Variants in ABCA1 observed in about 807,000 individuals in gnomAD.
The protein encoded by ABCA1 is ATP binding cassette subfamily A member 1.
ABCA1 carries 133 observed loss-of-function variants against 262.5 expected under a neutral mutation model. That is an observed-to-expected ratio of 0.51 (90% CI 0.44 to 0.59). The LOEUF is 0.59. Ranked by LOEUF, ABCA1 falls within the 20% of genes least tolerant of loss-of-function variation. The pLI is 0.00. For missense variants in ABCA1, 2,452 were observed against 2,777.5 expected (o/e 0.88, Z 2.63); for synonymous variants, 1,022 against 1,043.5 (o/e 0.98, Z 0.40).
chr9:104,901,132 G>A (rs1401647229), intron 2 of ABCA1, among the ~76,000 whole-genome samples: 4 of 152,164 alleles, frequency 2.6e-5, no homozygotes, highest in African/African-American at 9.7e-5. Context: ...TCCTTCCCTG[G>A]CTAAGCACGG....
intron 11 of ABCA1, 31 bp downstream of exon 11, chr9:104,836,949 G>A (rs2119022824): frequency 1.3e-6 from 2 of 1,544,054 alleles, no homozygotes; most frequent in East Asian, 2.2e-5. Context: ...GTATCAAGCA[G>A]GCACATGGTA....
intron 2 of ABCA1, among the ~76,000 whole-genome samples, chr9:104,895,148 G>C (rs1210672537): frequency 6.6e-6 from 1 of 152,092 alleles, no homozygotes; most frequent in Non-Finnish European, 1.5e-5. Context: ...TCTTGCTTTG[G>C]TGCCTACCCA....
At chr9:104,844,038 A>C (rs555486834) in intron 8 of ABCA1, among the ~76,000 whole-genome samples, 3,807 of 151,790 alleles carry the variant, frequency 0.025, 136 homozygotes, top group African/African-American at 0.087. Flanking sequence ...AAAAAAAAAA[A>C]AAACCAGGGC....
intron 2 of ABCA1, among the ~76,000 whole-genome samples, chr9:104,890,928 C>G (rs1366075332): frequency 6.6e-6 from 1 of 152,144 alleles, no homozygotes; most frequent in Admixed American, 6.6e-5. Context: ...CTGTTAACAT[C>G]TTTTGTCTTT....
chr9:104,835,945 A>G (rs1456983784), intron 11 of ABCA1, among the ~76,000 whole-genome samples: 1 of 152,186 alleles, frequency 6.6e-6, no homozygotes, highest in African/African-American at 2.4e-5. Context: ...AAAAAGTCCA[A>G]CTAGTAGAAA....
intron 28 of ABCA1, 33 bp from the exon 29 acceptor site, chr9:104,810,957 A>T (rs1831227429): frequency 6.2e-7 from 1 of 1,613,754 alleles, no homozygotes; most frequent in African/African-American, 1.3e-5. Context: ...GCAGGGGGAC[A>T]GCAGGAAACG....
chr9:104,831,934 C>CCT, intron 12 of ABCA1, 107 bp from the exon 13 acceptor site: 1 of 1,040,054 alleles, frequency 9.6e-7, no homozygotes, highest in Non-Finnish European at 1.5e-6. Context: ...GATTGCTCAT[C>CCT]CTCTCTCTCT....
In ABCA1 at chr9:104,784,335, CT is replaced by C; in HGVS notation, c.6765del (p.Val2256Ter). On this transcript the variant is annotated frameshift_variant, in exon 50 of 50. Transcript: ENST00000374736. LOFTEE classifies it high-confidence loss of function. ...ATTCTTCATACATAGCTTTCTTTCA[CT>C]TTCTCATCCTGTAGAAAAGATGTGA... ...AVLTSFLQDE[K>X]VKESYV 1.9e-6 allele frequency: 3 copies of C among 1,614,024 alleles called. No homozygotes were observed. Among genetic ancestry groups the C allele is most frequent in the Non-Finnish European group, 1.7e-6 (2 of 1,179,998 alleles).
Position 104,816,146 on chromosome 9 carries a change from T to C in ABCA1, c.3735A>G (p.Glu1245=). The part of the protein sequence containing the change: ...SSYGISETTL[E]EIFLKVAEES... Reference sequence around the variant, plus strand: ...GACAGTCAGCCACTTAACTTACTTCTTCCAGGGTCGTCTCTGAGATGCCAT... The same window carrying C: ...GACAGTCAGCCACTTAACTTACTTCCTCCAGGGTCGTCTCTGAGATGCCAT... Residue 1245 remains glutamate (E), a synonymous_variant, in exon 25 of 50, where the codon GAA becomes GAG. Coordinates refer to ENST00000374736, the MANE Select transcript of ABCA1 (RefSeq NM_005502.4). 6.2e-7 allele frequency: 1 copy of C among 1,614,170 alleles called. No homozygotes were observed.
At chr9:104,884,789 T>C (rs951375866) in intron 3 of ABCA1, among the ~76,000 whole-genome samples, 2 of 152,196 alleles carry the variant, frequency 1.3e-5, no homozygotes, top group African/African-American at 4.8e-5. Context: ...GGGTTCATGA[T>C]ACCAGCGTTG....
At chr9:104,846,466 T>C (rs923950514) in intron 7 of ABCA1, among the ~76,000 whole-genome samples, 1 of 152,238 alleles carries the variant, frequency 6.6e-6, no homozygotes, top group Non-Finnish European at 1.5e-5. Context: ...TGGGCTATTT[T>C]GACATTTGTC....
chr9:104,920,583 C>T (rs1842090280), intron 1 of ABCA1, among the ~76,000 whole-genome samples: 1 of 152,164 alleles, frequency 6.6e-6, no homozygotes, highest in Non-Finnish European at 1.5e-5. Context: ...ACCATCTCGG[C>T]TCACTGCAAT....
At chr9:104,825,962 T>C (rs2118988392) in intron 16 of ABCA1, 75 bp from the exon 17 acceptor site, 1 of 1,513,492 alleles carries the variant, frequency 6.6e-7, no homozygotes, top group South Asian at 1.2e-5. Context: ...GTGTAAATTA[T>C]ACCTGGAGAA....
At chr9:104,883,615 A>G (rs1838885300) in intron 4 of ABCA1, among the ~76,000 whole-genome samples, 1 of 152,254 alleles carries the variant, frequency 6.6e-6, no homozygotes, top group Non-Finnish European at 1.5e-5. Flanking sequence ...GATTATATTC[A>G]TCTTTATACC....
At chr9:104,901,239 C>G (rs1214106063) in intron 2 of ABCA1, among the ~76,000 whole-genome samples, 3 of 152,194 alleles carry the variant, frequency 2.0e-5, no homozygotes, top group Non-Finnish European at 2.9e-5. Context: ...AGAAAAGTCA[C>G]TGTGATGGGA....
At chr9:104,917,944 T>C (rs1372146565) in intron 1 of ABCA1, among the ~76,000 whole-genome samples, 10 of 152,188 alleles carry the variant, frequency 6.6e-5, no homozygotes, top group Non-Finnish European at 7.3e-5. Flanking sequence ...AAATTACCTT[T>C]CATTTATGAT....
chr9:104,881,485 A>G (rs935020453), intron 5 of ABCA1, among the ~76,000 whole-genome samples: 7 of 152,196 alleles, frequency 4.6e-5, no homozygotes, highest in African/African-American at 9.6e-5. Context: ...AAAAAAAATC[A>G]TAATTCATAT....
intron 7 of ABCA1, among the ~76,000 whole-genome samples, chr9:104,857,943 T>A (rs1468661009): frequency 1.3e-5 from 2 of 152,178 alleles, no homozygotes; most frequent in African/African-American, 4.8e-5. Context: ...CTCACCAGTA[T>A]TTTTTGGTTA....
Position 104,862,654 on chromosome 9 carries a change from C to CCGGGCAGGGCAGGGCCGGGCAGGGCA in ABCA1, c.422-855_422-854insTGCCCTGCCCGGCCCTGCCCTGCCCG. 2.7e-4 allele frequency among the ~76,000 whole-genome samples: 2 copies of CCGGGCAGGGCAGGGCCGGGCAGGGCA among 7,524 alleles called. 1 individual carries two copies. Among genetic ancestry groups the CCGGGCAGGGCAGGGCCGGGCAGGGCA allele is most frequent in the South Asian group, 0.017 (2 of 116 alleles). The allele number at this position is 7,524 out of a possible 152,430, so 4.9% of individuals were successfully genotyped here. ...ACTGCCGGGCCGGGCCGGGCCGGGC[C>CCGGGCAGGGCAGGGCCGGGCAGGGCA]GGGCCGGGCCGGGCCGGGCCGGGCC... On this transcript the variant is annotated intron_variant, in intron 5 of 49. Coordinates refer to ENST00000374736, the MANE Select transcript of ABCA1 (RefSeq NM_005502.4).
Sources: gnomAD v4.1 joint callset for allele counts (sites outside exome capture counted in the v4.1 genomes callset) on GRCh38, gnomAD v4.1.1 for gene constraint, MANE v1.5 for transcripts, NCBI Gene and HGNC (gene_info 2026-07-23, HGNC 2026-07-21) for gene names.